TNFSF14: variants seen among roughly 807,000 people sequenced by gnomAD.
TNFSF14 encodes the protein TNF superfamily member 14, also known as tumor necrosis factor ligand superfamily member 14.
Under a neutral mutation model 22.7 loss-of-function variants are expected in TNFSF14, and 15 were observed. That is an observed-to-expected ratio of 0.66 (90% CI 0.44 to 1.02). The LOEUF (loss-of-function observed/expected upper bound fraction) is 1.02, where lower values mean the gene tolerates loss of function less well. TNFSF14 is among the 50% of genes least tolerant of loss of function. The pLI is 0.00. For missense variants in TNFSF14, 287 were observed against 326.2 expected, an observed-to-expected ratio of 0.88 and a Z score of 0.93; for synonymous variants, 133 against 139.6, an observed-to-expected ratio of 0.95 and a Z score of 0.33.
chr19:6,661,852 G>T lies in TNFSF14; in HGVS notation c.*3074C>A, dbSNP rs898673728. The T allele has an allele frequency of 2.0e-5, 3 of 152,196 alleles. No individual in the cohort carries two copies. Among genetic ancestry groups the T allele is most frequent in the Non-Finnish European group, 4.4e-5 (3 of 68,036 alleles). 9.4% of individuals were successfully genotyped at this position (152,196 alleles called of 1,614,324 possible). A position where few individuals can be genotyped will look rare whatever the true frequency, so the allele number is the denominator to read the frequency against. On this transcript the variant is annotated 3_prime_UTR_variant, in exon 4 of 4. Transcript: ENST00000675206. ...AACACAGAAGTACCTAACAGTAAAA[G>T]ATGAGAGATACCTATCTGGCATGTG... is the stretch of plus-strand genomic sequence containing the variant.
At chr19:6,669,783 G>T in intron 1 of TNFSF14, 68 bp downstream of exon 1, 1 of 1,557,580 alleles carries the variant, frequency 6.4e-7, no homozygotes, top group Non-Finnish European at 8.7e-7. Flanking sequence ...CAGACACACA[G>T]TGACCCACAA....
At chr19:6,666,617 C>T (rs908359529) in intron 3 of TNFSF14, among the ~76,000 whole-genome samples, 4 of 152,092 alleles carry the variant, frequency 2.6e-5, no homozygotes, top group Middle Eastern at 3.4e-3. Flanking sequence ...AAAACTAGGC[C>T]GGGCCCGGTG....
Position 6,669,538 on chromosome 19 carries a change from G to A in TNFSF14, c.219+313C>T, listed in dbSNP as rs375030209. Among the ~76,000 whole-genome samples, 21 of 152,224 alleles carry A rather than the reference G, an allele frequency of 1.4e-4. No individual in the cohort carries two copies. The East Asian group carries it at 3.1e-3, about 22-fold the overall frequency. On this transcript the variant is annotated intron_variant, in intron 1 of 3. Coordinates refer to ENST00000675206, the MANE Select transcript of TNFSF14 (RefSeq NM_001376887.1). Reference sequence around the variant, plus strand: ...GCGTGTGTGCACAGGGGTGTGCATGGCAGTGTTGGGGTGTCAGTTCCGACG... The same window carrying A: ...GCGTGTGTGCACAGGGGTGTGCATGACAGTGTTGGGGTGTCAGTTCCGACG...
chr19:6,665,247 C>T lies in TNFSF14; in HGVS notation c.402G>A (p.Val134=). The T allele has an allele frequency of 1.2e-6, 2 of 1,613,952 alleles. No individual in the cohort carries two copies. The highest frequency in any genetic ancestry group is 1.7e-6 in the Non-Finnish European group (2 of 1,180,010). Residue 134 remains valine, a synonymous_variant, in exon 4 of 4, where the codon GTG becomes GTA. Coordinates refer to ENST00000675206, the MANE Select transcript of TNFSF14 (RefSeq NM_001376887.1). ...TGTAGTAGTAGCCAGCTTTGGTGAC[C>T]ACAAGGGCCCCATCGTGGTAGCTGA... ...RGLSYHDGAL[V]VTKAGYYYIY...
intron 3 of TNFSF14, 125 bp from the exon 4 acceptor site, chr19:6,665,475 C>T: frequency 9.4e-7 from 1 of 1,062,242 alleles, no homozygotes; most frequent in African/African-American, 1.6e-5. Context: ...GTGGCATGAT[C>T]TCGGCTTACT....
In TNFSF14 at chr19:6,663,135, G is replaced by A. The variant is rs1249411985; in HGVS notation, c.*1791C>T. 2.6e-5 allele frequency: 4 copies of A among 152,252 alleles called. No homozygotes were observed. The highest frequency in any genetic ancestry group is 2.6e-4 in the Admixed American group (4 of 15,274). 9.4% of individuals were successfully genotyped at this position (152,252 alleles called of 1,614,324 possible). On this transcript the variant is annotated 3_prime_UTR_variant, in exon 4 of 4. Coordinates refer to ENST00000675206, the MANE Select transcript of TNFSF14 (RefSeq NM_001376887.1). ...AGTTTGTTCCCCTAAGAACTAGACAGATCCAGGTACAACTATTTGCCATTT... is the reference window on the plus strand; with the variant it reads ...AGTTTGTTCCCCTAAGAACTAGACAAATCCAGGTACAACTATTTGCCATTT...
At chr19:6,667,205 C>T in intron 2 of TNFSF14, 51 bp from the exon 3 acceptor site, 1 of 1,512,544 alleles carries the variant, frequency 6.6e-7, no homozygotes, top group Non-Finnish European at 8.8e-7. Flanking sequence ...AGGTAAAAAG[C>T]CAGCCTCCTA....
chr19:6,665,610 T>C (rs560278854), intron 3 of TNFSF14, among the ~76,000 whole-genome samples: 1 of 152,230 alleles, frequency 6.6e-6, no homozygotes, highest in South Asian at 2.1e-4. Flanking sequence ...GGTTTTGCCA[T>C]GTTGCTGAGG....
chr19:6,670,055 G>A lies in TNFSF14; in HGVS notation c.15C>T (p.Val5=), dbSNP rs773732385. 1.9e-5 allele frequency: 30 copies of A among 1,614,058 alleles called. No individual in the cohort carries two copies. The highest frequency in any genetic ancestry group is 2.3e-5 in the Non-Finnish European group (27 of 1,179,934). MEES[V]VRPSVFVVDG... ...CCACCACAAACACTGAGGGCCGTAC[G>A]ACACTCTCCTCCATGCCCAAGGTGT... The change falls in exon 1 of 4, where the codon GTC becomes GTT. Residue 5 remains valine (V), a synonymous_variant. Transcript: ENST00000675206.
chr19:6,665,355 T>C lies in TNFSF14; in HGVS notation c.299-5A>G. Reference sequence around the variant, plus strand: ...CGGTCAAGCTGGAGTTGGCCCCTGTTGGGAAGAGAGAGACAAAGGGGGCTG... The same window carrying C: ...CGGTCAAGCTGGAGTTGGCCCCTGTCGGGAAGAGAGAGACAAAGGGGGCTG... On this transcript the variant is annotated splice_polypyrimidine_tract_variant and splice_region_variant and intron_variant, in intron 3 of 3. Coordinates refer to ENST00000675206, the MANE Select transcript of TNFSF14 (RefSeq NM_001376887.1). 1 of 1,553,702 alleles carries C rather than the reference T, an allele frequency of 6.4e-7. No homozygotes were observed. The highest frequency in any genetic ancestry group is 8.7e-7 in the Non-Finnish European group (1 of 1,151,218).
Position 6,665,069 on chromosome 19 carries a change from A to T in TNFSF14, c.580T>A (p.Ser194Thr). The T allele has an allele frequency of 6.2e-7, 1 of 1,614,058 alleles. No homozygotes were observed. Among genetic ancestry groups the T allele is most frequent in the Admixed American group, 1.7e-5 (1 of 60,026 alleles). The change falls in exon 4 of 4, where the codon TCC becomes ACC. Residue 194 changes from serine (S) to threonine (T), a missense_variant. By Grantham distance (58) the Ser-to-Thr change is moderately conservative. Transcript: ENST00000675206. Reference sequence around the variant, plus strand: ...AAGCTGCTGTCCCACCAGACCCGGGAGCTGCTGGTGGCCCGTCCGCAGGGT... The same window carrying T: ...AAGCTGCTGTCCCACCAGACCCGGGTGCTGCTGGTGGCCCGTCCGCAGGGT... ...QSPCGRATSS[S>T]RVWWDSSFLG...
At chr19:6,665,382 C>T (rs771084906) in intron 3 of TNFSF14, 32 bp from the exon 4 acceptor site, 95 of 1,500,910 alleles carry the variant, frequency 6.3e-5, no homozygotes, top group African/African-American at 8.3e-5. Context: ...AGGGGGCTGC[C>T]GGTCAGCACA....
intron 2 of TNFSF14, 74 bp from the exon 3 acceptor site, chr19:6,667,228 G>A (rs1447804669): frequency 1.4e-6 from 2 of 1,472,436 alleles, no homozygotes; most frequent in African/African-American, 2.9e-5. Context: ...GGGCCACCGT[G>A]TACACCTCCT....
intron 1 of TNFSF14, among the ~76,000 whole-genome samples, chr19:6,669,073 C>T (rs1050223611): frequency 2.6e-5 from 4 of 152,210 alleles, no homozygotes; most frequent in Non-Finnish European, 5.9e-5. Flanking sequence ...CACATAGACC[C>T]CCAGGTGAGG....
chr19:6,668,421 C>T (rs1917488555), intron 1 of TNFSF14, among the ~76,000 whole-genome samples: 1 of 151,772 alleles, frequency 6.6e-6, no homozygotes, highest in African/African-American at 2.4e-5. Context: ...AATACAGGGA[C>T]AAGGCCAGGC....
Position 6,664,916 on chromosome 19 carries a change from G to T in TNFSF14, c.*10C>A. On this transcript the variant is annotated 3_prime_UTR_variant, in exon 4 of 4. Transcript: ENST00000675206. The surrounding 1 kb of genome is among the most constrained non-coding windows in gnomAD (Gnocchi z 4.7). Reference sequence around the variant, plus strand: ...GTCAGACCCATGTCCAATGCACCACGCTCCTTCCTTCACACCATGAAAGCC... The same window carrying T: ...GTCAGACCCATGTCCAATGCACCACTCTCCTTCCTTCACACCATGAAAGCC... 1 of 1,573,976 alleles carries T rather than the reference G, an allele frequency of 6.4e-7. No individual in the cohort carries two copies. Among genetic ancestry groups the T allele is most frequent in the Non-Finnish European group, 8.7e-7 (1 of 1,155,058 alleles).
Position 6,662,719 on chromosome 19 carries a change from C to G in TNFSF14, c.*2207G>C, listed in dbSNP as rs1917277188. 1 of 152,248 alleles carries G rather than the reference C, an allele frequency of 6.6e-6. No homozygotes were observed. Among genetic ancestry groups the G allele is most frequent in the Admixed American group, 6.5e-5 (1 of 15,272 alleles). 9.4% of individuals were successfully genotyped at this position (152,248 alleles called of 1,614,324 possible). A position where few individuals can be genotyped will look rare whatever the true frequency, so the allele number is the denominator to read the frequency against. ...GCAGCAATGCTCATTTGCATAGACC[C>G]TCTAATTTGTATGCATATCATTATC... is the stretch of plus-strand genomic sequence containing the variant. On this transcript the variant is annotated 3_prime_UTR_variant, in exon 4 of 4. Transcript: ENST00000675206.
intron 1 of TNFSF14, among the ~76,000 whole-genome samples, chr19:6,667,910 G>A (rs1303610149): frequency 6.6e-6 from 1 of 151,982 alleles, no homozygotes; most frequent in Non-Finnish European, 1.5e-5. Flanking sequence ...GCCTGGTGGT[G>A]GGTGCCTGTA....
In TNFSF14 at chr19:6,664,885, C is replaced by G; in HGVS notation, c.*41G>C. 6.5e-7 allele frequency: 1 copy of G among 1,538,952 alleles called. No individual in the cohort carries two copies. Among genetic ancestry groups the G allele is most frequent in the African/African-American group, 1.4e-5 (1 of 73,274 alleles). ...TCCCCTGAGGCACCCTCTGAGTTCT[C>G]CACGTGTCAGACCCATGTCCAATGC... On this transcript the variant is annotated 3_prime_UTR_variant, in exon 4 of 4. Coordinates refer to ENST00000675206, the MANE Select transcript of TNFSF14 (RefSeq NM_001376887.1). This position sits in a 1 kb window ranked among gnomAD's most constrained non-coding sequence, Gnocchi z 4.7.
Sources: gnomAD v4.1 joint callset for allele counts (sites outside exome capture counted in the v4.1 genomes callset) on GRCh38, gnomAD v4.1.1 for gene constraint, Gnocchi (gnomAD v3.1) non-coding constraint, MANE v1.5 for transcripts, NCBI Gene and HGNC (gene_info 2026-07-23, HGNC 2026-07-21) for gene names.